ABLIM1: variants seen among roughly 807,000 people sequenced by gnomAD.
ABLIM1 encodes actin binding LIM protein 1.
A neutral mutation model predicts 107.0 loss-of-function variants in ABLIM1; 40 were observed. That is an observed-to-expected ratio of 0.37 (90% CI 0.29 to 0.49). The LOEUF is 0.49. ABLIM1 is among the 20% of genes least tolerant of loss of function. The pLI, the probability that ABLIM1 is intolerant of heterozygous loss-of-function variation, is 0.97. For synonymous variants in ABLIM1, 357 were observed against 357.3 expected (o/e 1.00, Z 0.01); for missense variants, 857 against 1,008.5 (o/e 0.85, Z 2.04).
At chr10:114,523,083 G>A (rs1422882195) in intron 6 of ABLIM1, among the ~76,000 whole-genome samples, 2 of 152,092 alleles carry the variant, frequency 1.3e-5, no homozygotes, top group Non-Finnish European at 2.9e-5. Context: ...CCCAGGAGGT[G>A]GAGGTTGCAG....
At chr10:114,677,698 T>C (rs753399753) in intron 1 of ABLIM1, among the ~76,000 whole-genome samples, 2 of 152,174 alleles carry the variant, frequency 1.3e-5, no homozygotes, top group Non-Finnish European at 2.9e-5. Context: ...CCACTTGAAC[T>C]TGGGAGGTGG....
Position 114,434,708 on chromosome 10 carries a change from C to G in ABLIM1, c.*1552G>C, listed in dbSNP as rs1418751841. The G allele has an allele frequency of 6.6e-6, 1 of 152,202 alleles. No individual in the cohort carries two copies. Among genetic ancestry groups the G allele is most frequent in the East Asian group, 1.9e-4 (1 of 5,202 alleles). 9.4% of individuals were successfully genotyped at this position (152,202 alleles called of 1,614,324 possible). A position where few individuals can be genotyped will look rare whatever the true frequency, so the allele number is the denominator to read the frequency against. On this transcript the variant is annotated 3_prime_UTR_variant, in exon 23 of 23. Coordinates refer to ENST00000533213, the MANE Select transcript of ABLIM1 (RefSeq NM_002313.7). ...TTACCCTCCTGGGTGTGGAGTTACA[C>G]AAACTCTCCCTCATCTAACTCACGT...
At position 114,545,620 on chromosome 10, in the gene ABLIM1, T is replaced by C. The variant is rs1368323796; in HGVS notation, c.801-522A>G. On this transcript the variant is annotated intron_variant, in intron 5 of 22. Transcript: ENST00000533213. Reference sequence around the variant, plus strand: ...AAATATTGTTAATGTATATAATACATATAGTTATTAATATGACACTGAGGC... The same window carrying C: ...AAATATTGTTAATGTATATAATACACATAGTTATTAATATGACACTGAGGC... 2.6e-5 allele frequency among the ~76,000 whole-genome samples: 4 copies of C among 152,182 alleles called. No homozygotes were observed. The South Asian group carries it at 6.2e-4, about 24-fold the overall frequency.
the ABLIM1 span, among the ~76,000 whole-genome samples, chr10:114,796,354 T>C: frequency 1.3e-5 from 2 of 152,156 alleles, no homozygotes; most frequent in African/African-American, 4.8e-5. Flanking sequence ...GGGGATCTAC[T>C]TCTAAGCTCA....
the ABLIM1 span, among the ~76,000 whole-genome samples, chr10:114,775,219 C>T: frequency 6.6e-6 from 1 of 152,144 alleles, no homozygotes; most frequent in East Asian, 1.9e-4. Context: ...CCCCATGATC[C>T]AATCACCTCC....
In ABLIM1 at chr10:114,672,582, A is replaced by C. The variant is rs113411177; in HGVS notation, c.64+11708T>G. ...TCTTCTCCTAGATGATAGCTGGCCT[A>C]TTCATGTTCTTAATGATGTCCTTTG... On this transcript the variant is annotated intron_variant, in intron 1 of 23. Coordinates refer to the ABLIM1 transcript ENST00000369256. Among the ~76,000 whole-genome samples the C allele has an allele frequency of 4.4e-3, 671 of 152,310 alleles. 5 individuals carry two copies. Among genetic ancestry groups the C allele is most frequent in the African/African-American group, 0.016 (650 of 41,560 alleles).
intron 1 of ABLIM1, among the ~76,000 whole-genome samples, chr10:114,614,387 G>A (rs969848130): frequency 1.3e-5 from 2 of 152,074 alleles, no homozygotes; most frequent in Non-Finnish European, 2.9e-5. Flanking sequence ...GGGAGGCAGA[G>A]GTTGCAGTGG....
At chr10:114,522,509 C>T (rs563263036) in intron 6 of ABLIM1, among the ~76,000 whole-genome samples, 59 of 152,212 alleles carry the variant, frequency 3.9e-4, no homozygotes, top group Non-Finnish European at 7.2e-4. Flanking sequence ...ACAAGGTATA[C>T]GGATATGAGC....
chr10:114,488,113 C>G, intron 7 of ABLIM1, 97 bp from the exon 8 acceptor site: 2 of 1,268,268 alleles, frequency 1.6e-6, no homozygotes, highest in East Asian at 2.3e-5. Context: ...TCCCTCTTTC[C>G]CCATCATAGG....
At chr10:114,705,053 A>T (rs1466981238) in intron 1 of ABLIM1, among the ~76,000 whole-genome samples, 1 of 151,962 alleles carries the variant, frequency 6.6e-6, no homozygotes, top group Non-Finnish European at 1.5e-5. Flanking sequence ...TTTCATTAGC[A>T]TCAGGTCTGG....
chr10:114,728,592 CAAA>C (rs11405856), intron 1 of ABLIM1, among the ~76,000 whole-genome samples: 1 of 125,432 alleles, frequency 8.0e-6, no homozygotes. Context: ...AATGGAGAGC[CAAA>C]AAAAAAAAAA....
chr10:114,461,460 G>A lies in ABLIM1; in HGVS notation c.1441+4238C>T, dbSNP rs572409174. Among the ~76,000 whole-genome samples the A allele has an allele frequency of 4.0e-5, 6 of 148,814 alleles. No individual in the cohort carries two copies. In the East Asian group the frequency reaches 9.8e-4, roughly 24 times the overall value. On this transcript the variant is annotated intron_variant, in intron 12 of 22. Transcript: ENST00000533213. ...TATGATTTTATAAACATTCTCTAAAGTATAATCTTGACATTTTATAAATAA... is the reference window on the plus strand; with the variant it reads ...TATGATTTTATAAACATTCTCTAAAATATAATCTTGACATTTTATAAATAA...
At chr10:114,474,948 T>C (rs965421330) in intron 8 of ABLIM1, among the ~76,000 whole-genome samples, 3 of 152,200 alleles carry the variant, frequency 2.0e-5, no homozygotes, top group South Asian at 2.1e-4. Flanking sequence ...ACGTAAGACA[T>C]GACTTTGTTT....
the ABLIM1 span, among the ~76,000 whole-genome samples, chr10:114,788,626 G>T: frequency 6.6e-6 from 1 of 152,114 alleles, no homozygotes; most frequent in African/African-American, 2.4e-5. Flanking sequence ...TACTACAAAG[G>T]CTGAGGCAGG....
At chr10:114,563,174 G>T (rs910519581) in intron 4 of ABLIM1, among the ~76,000 whole-genome samples, 4 of 152,230 alleles carry the variant, frequency 2.6e-5, no homozygotes, top group Non-Finnish European at 4.4e-5. Context: ...TCAGAAGAAT[G>T]TTCACCAAAA....
chr10:114,723,535 C>A (rs1424562014), intron 1 of ABLIM1, among the ~76,000 whole-genome samples: 1 of 152,206 alleles, frequency 6.6e-6, no homozygotes, highest in Non-Finnish European at 1.5e-5. Context: ...GCAGAATGCA[C>A]CTTGAACTTG....
intron 1 of ABLIM1, among the ~76,000 whole-genome samples, chr10:114,679,452 T>C (rs2080641313): frequency 6.6e-6 from 1 of 151,816 alleles, no homozygotes; most frequent in African/African-American, 2.4e-5. Flanking sequence ...CTGACCAACA[T>C]GGAGAAACCT....
chr10:114,486,288 T>G (rs1019173076), intron 8 of ABLIM1, among the ~76,000 whole-genome samples: 1 of 152,172 alleles, frequency 6.6e-6, no homozygotes, highest in Non-Finnish European at 1.5e-5. Flanking sequence ...TCTGGCCTCA[T>G]TAGCATTCCT....
intron 1 of ABLIM1, among the ~76,000 whole-genome samples, chr10:114,711,397 G>A (rs2081544943): frequency 1.3e-5 from 2 of 152,046 alleles, no homozygotes; most frequent in South Asian, 4.1e-4. Context: ...CAGTTTCCAT[G>A]GTGACAGTGT....
Sources: allele counts gnomAD v4.1 joint callset (sites outside exome capture counted in the v4.1 genomes callset), GRCh38; gene constraint gnomAD v4.1.1; transcripts MANE v1.5; gene names NCBI Gene and HGNC (gene_info 2026-07-23, HGNC 2026-07-21).